Variants in TMTC1 observed in about 807,000 individuals in gnomAD.
The protein encoded by TMTC1 is transmembrane O-mannosyltransferase targeting cadherins 1, also known as protein O-mannosyl-transferase TMTC1.
A neutral mutation model predicts 104.8 loss-of-function variants in TMTC1; 73 were observed. The observed-to-expected ratio is 0.70, with a 90% CI of 0.58 to 0.85. The LOEUF is 0.85. TMTC1 is among the 40% of genes least tolerant of loss of function. TMTC1 has a pLI of 0.00. For missense variants in TMTC1, 1,035 were observed against 1,096.1 expected, an observed-to-expected ratio of 0.94 and a Z score of 0.79; for synonymous variants, 434 against 428.7, an observed-to-expected ratio of 1.01 and a Z score of -0.15.
chr12:29,628,365 G>T (rs1011846067), intron 6 of TMTC1, among the ~76,000 whole-genome samples: 3 of 152,072 alleles, frequency 2.0e-5, no homozygotes, highest in Non-Finnish European at 4.4e-5. Flanking sequence ...AGACATACAA[G>T]ATTACATGTT....
At chr12:29,605,911 G>A (rs1592310556) in intron 6 of TMTC1, among the ~76,000 whole-genome samples, 1 of 151,930 alleles carries the variant, frequency 6.6e-6, no homozygotes, top group African/African-American at 2.4e-5. Flanking sequence ...CCGTCTTTAC[G>A]TCTGTGTGTA....
chr12:29,681,691 G>A (rs1940925211), intron 5 of TMTC1, among the ~76,000 whole-genome samples: 1 of 150,978 alleles, frequency 6.6e-6, no homozygotes, highest in South Asian at 2.1e-4. Context: ...AAAAATAAAG[G>A]CAAAAGCAAA....
intron 6 of TMTC1, among the ~76,000 whole-genome samples, chr12:29,608,635 A>G (rs1565706737): frequency 6.6e-6 from 1 of 152,164 alleles, no homozygotes; most frequent in South Asian, 2.1e-4. Context: ...TAGATTCGCT[A>G]TTATAGGTGT....
rs202079114 is a variant in TMTC1, at chr12:29,767,117, GT to G, written c.480+780del. Reference sequence around the variant, plus strand: ...GGCACCCGCCACTGCACCTGGCTAAGTTTTTTTGTAATTTTAGTAGACATGG... The same window carrying G: ...GGCACCCGCCACTGCACCTGGCTAAGTTTTTTGTAATTTTAGTAGACATGG... On this transcript the variant is annotated intron_variant, in intron 2 of 17. Transcript: ENST00000539277. Among the ~76,000 whole-genome samples the G allele has an allele frequency of 4.6e-3, 702 of 151,920 alleles. 7 individuals are homozygous for G. The highest frequency in any genetic ancestry group is 0.016 in the African/African-American group (667 of 41,386).
Position 29,776,664 on chromosome 12 carries a change from T to C in TMTC1, c.302+6786A>G, listed in dbSNP as rs907178923. Among the ~76,000 whole-genome samples the C allele has an allele frequency of 3.9e-5, 6 of 152,210 alleles. No homozygotes were observed. In the South Asian group the frequency reaches 8.3e-4, roughly 21 times the overall value. ...TTGTAGGTGCTAGAGATAAACCTCA[T>C]GGAGTTTACACTGTAGTGAGGGGAG... On this transcript the variant is annotated intron_variant, in intron 1 of 17. Transcript: ENST00000539277.
At chr12:29,694,095 T>C (rs1941342732) in intron 5 of TMTC1, among the ~76,000 whole-genome samples, 1 of 152,202 alleles carries the variant, frequency 6.6e-6, no homozygotes, top group Non-Finnish European at 1.5e-5. Flanking sequence ...AAGGCTGGCA[T>C]TCTTTCCATG....
chr12:29,767,801 CATATTT>C, intron 2 of TMTC1, 91 bp downstream of exon 2: 2 of 1,099,366 alleles, frequency 1.8e-6, no homozygotes, highest in Non-Finnish European at 2.6e-6. Flanking sequence ...CATATACACA[CATATTT>C]ACATGTATAT....
chr12:29,659,825 A>T, intron 5 of TMTC1: 2 of 1,334,912 alleles, frequency 1.5e-6, no homozygotes, highest in Non-Finnish European at 2.0e-6. Context: ...GTAATTTAAG[A>T]TTACTCAAAA....
intron 5 of TMTC1, among the ~76,000 whole-genome samples, chr12:29,663,152 G>A (rs1314333630): frequency 6.6e-6 from 1 of 152,130 alleles, no homozygotes; most frequent in Non-Finnish European, 1.5e-5. Context: ...TGGGTTCTTC[G>A]TTGCCTAAAA....
intron 7 of TMTC1, among the ~76,000 whole-genome samples, chr12:29,601,280 C>T (rs1238885110): frequency 2.6e-5 from 4 of 152,292 alleles, no homozygotes; most frequent in Admixed American, 1.3e-4. Context: ...AAAGGGTTGG[C>T]GACAATACTA....
chr12:29,760,815 TG>T (rs1200172794), intron 2 of TMTC1, among the ~76,000 whole-genome samples: 25 of 150,116 alleles, frequency 1.7e-4, no homozygotes, highest in African/African-American at 6.1e-4. Context: ...TATTATACCA[TG>T]ATTCATAATT....
chr12:29,604,259 AG>A lies in TMTC1; in HGVS notation c.1168del (p.Leu390TrpfsTer39). The A allele has an allele frequency of 6.2e-7, 1 of 1,614,042 alleles. No individual in the cohort carries two copies. The highest frequency in any genetic ancestry group is 8.5e-7 in the Non-Finnish European group (1 of 1,179,900). On this transcript the variant is annotated frameshift_variant, in exon 7 of 18. Coordinates refer to ENST00000539277, the MANE Select transcript of TMTC1 (RefSeq NM_001193451.2). LOFTEE classifies it high-confidence loss of function. The stretch of plus-strand genomic sequence containing the variant: ...GCTGGCTGGAATGAACGGGAACACC[AG>A]GAACAACAAGCCGACTAAAACCTCC... ...HKEVLVGLLF[L>X]VFPFIPASNL...
At position 29,581,105 on chromosome 12, in the gene TMTC1, CAGCTATTCAA is replaced by C. The variant is rs548196077; in HGVS notation, c.1418+2292_1418+2301del. On this transcript the variant is annotated intron_variant, in intron 8 of 17. Coordinates refer to ENST00000539277, the MANE Select transcript of TMTC1 (RefSeq NM_001193451.2). ...GATAAGTAACTTGCCTAAGATCACA[CAGCTATTCAA>C]TGGCAGAACTTGGAGTAGAGCCAGA... Among the ~76,000 whole-genome samples the C allele has an allele frequency of 8.7e-4, 133 of 152,286 alleles. 1 individual carries two copies. The highest frequency in any genetic ancestry group is 2.9e-3 in the African/African-American group (121 of 41,558).
At chr12:29,512,234 C>T (rs1221975966) in intron 16 of TMTC1, 114 bp from the exon 17 acceptor site, 10 of 738,568 alleles carry the variant, frequency 1.4e-5, no homozygotes, top group East Asian at 5.3e-5. Flanking sequence ...TGAAACCAGC[C>T]GCTACTAGTT....
chr12:29,770,361 C>T (rs1943567882), intron 1 of TMTC1, among the ~76,000 whole-genome samples: 1 of 152,084 alleles, frequency 6.6e-6, no homozygotes, highest in South Asian at 2.1e-4. Flanking sequence ...CAAGCGTTAT[C>T]CATGTTATTT....
intron 6 of TMTC1, among the ~76,000 whole-genome samples, chr12:29,623,976 C>G (rs1348220447): frequency 6.6e-6 from 1 of 152,018 alleles, no homozygotes; most frequent in Non-Finnish European, 1.5e-5. Flanking sequence ...CCTGGATTCT[C>G]TGTCTTGTTT....
At chr12:29,533,926 A>C (rs748426361) in intron 11 of TMTC1, 1 of 152,208 alleles carries the variant, frequency 6.6e-6, no homozygotes, top group Non-Finnish European at 1.5e-5. Flanking sequence ...AGTGTAGGAA[A>C]GAGCTTTTTG....
intron 5 of TMTC1, among the ~76,000 whole-genome samples, chr12:29,705,147 C>T (rs1170808565): frequency 6.6e-6 from 1 of 152,142 alleles, no homozygotes; most frequent in African/African-American, 2.4e-5. Context: ...ACACAGATGA[C>T]AGCACCTTGT....
Position 29,567,541 on chromosome 12 carries a change from T to C in TMTC1, c.1532+4564A>G, listed in dbSNP as rs183764339. ...ATAATTTCGTGTCTACTTGTGATAT[T>C]AGAAAGCATATTTGAGCTTTTATAC... On this transcript the variant is annotated intron_variant, in intron 9 of 17. Coordinates refer to ENST00000539277, the MANE Select transcript of TMTC1 (RefSeq NM_001193451.2). 7.2e-4 allele frequency among the ~76,000 whole-genome samples: 109 copies of C among 152,336 alleles called. 1 individual carries two copies. Among genetic ancestry groups the C allele is most frequent in the East Asian group, 3.7e-3 (19 of 5,182 alleles).
Sources: gnomAD v4.1 joint callset for allele counts (sites outside exome capture counted in the v4.1 genomes callset) on GRCh38, gnomAD v4.1.1 for gene constraint, MANE v1.5 for transcripts, NCBI Gene and HGNC (gene_info 2026-07-23, HGNC 2026-07-21) for gene names.